The following CDYL variants were observed in gnomAD, a reference collection of about 807,000 sequenced individuals.
CDYL encodes the protein chromodomain Y-like protein.
CDYL carries 8 observed loss-of-function variants against 47.3 expected under a neutral mutation model. That is an observed-to-expected ratio of 0.17 (90% CI 0.10 to 0.31). The LOEUF is 0.31. CDYL is among the 10% of genes least tolerant of loss of function. CDYL has a pLI of 1.00. For synonymous variants in CDYL, 266 were observed against 265.0 expected, an observed-to-expected ratio of 1.00 and a Z score of -0.04; for missense variants, 471 against 701.4, an observed-to-expected ratio of 0.67 and a Z score of 3.71.
intron 1 of CDYL, among the ~76,000 whole-genome samples, chr6:4,879,100 A>G (rs1761693533): frequency 6.6e-6 from 1 of 152,152 alleles, no homozygotes; most frequent in African/African-American, 2.4e-5. Context: ...ATTGAGACTT[A>G]TTTTATGGCT....
At chr6:4,805,291 G>GA (rs1218825170) in intron 1 of CDYL, among the ~76,000 whole-genome samples, 2 of 151,658 alleles carry the variant, frequency 1.3e-5, no homozygotes, top group Non-Finnish European at 1.5e-5. Context: ...CCCATTGGGG[G>GA]AAAAAAAAGC....
At chr6:4,806,859 C>T (rs754234240) in intron 1 of CDYL, among the ~76,000 whole-genome samples, 10 of 152,182 alleles carry the variant, frequency 6.6e-5, no homozygotes, top group Non-Finnish European at 1.3e-4. Flanking sequence ...CCTTGGGCAG[C>T]CGTAATAAAA....
At chr6:4,749,434 A>G (rs1757953793) in intron 3 of CDYL, among the ~76,000 whole-genome samples, 1 of 151,638 alleles carries the variant, frequency 6.6e-6, no homozygotes, top group Admixed American at 6.6e-5. Flanking sequence ...GGATGAATGG[A>G]TATGAGATGG....
intron 2 of CDYL, among the ~76,000 whole-genome samples, chr6:4,926,702 G>A (rs1421276721): frequency 6.6e-6 from 1 of 152,184 alleles, no homozygotes; most frequent in Non-Finnish European, 1.5e-5. Context: ...ATTATTCTAT[G>A]TCTCTCTCAC....
chr6:4,934,423 C>T (rs552482517), intron 2 of CDYL, among the ~76,000 whole-genome samples: 3 of 152,096 alleles, frequency 2.0e-5, no homozygotes, highest in Non-Finnish European at 2.9e-5. Context: ...GGTTATTTGG[C>T]TCCTCTGAAA....
chr6:4,945,595 A>G (rs551228380), intron 5 of CDYL, among the ~76,000 whole-genome samples: 71 of 152,364 alleles, frequency 4.7e-4, no homozygotes, highest in African/African-American at 1.7e-3. Flanking sequence ...ATAGTTGATC[A>G]GGAGAGGAAC....
In CDYL at chr6:4,821,911, T is replaced by A. The variant is rs114908583; in HGVS notation, c.24+45104T>A. Among the ~76,000 whole-genome samples the A allele has an allele frequency of 1.8e-3, 276 of 152,288 alleles. 1 individual carries two copies. Among genetic ancestry groups the A allele is most frequent in the African/African-American group, 6.5e-3 (270 of 41,552 alleles). ...CCAAATTTTAGTTGTTCTTGGTGGT[T>A]GTTGCAATAACGTATGTACCAGCCA... On this transcript the variant is annotated intron_variant, in intron 1 of 6. Transcript: ENST00000397588.
In CDYL at chr6:4,942,869, A is replaced by T. The variant is rs1451181622; in HGVS notation, c.1122-677A>T. Among the ~76,000 whole-genome samples the T allele has an allele frequency of 2.0e-5, 3 of 152,146 alleles. No homozygotes were observed. In the East Asian group the frequency reaches 5.8e-4, roughly 29 times the overall value. ...ACCCTCCAGCCCTCAGTGGAGCAGG[A>T]TGTGGGTACAGGCCTGAGCCCTGTG... On this transcript the variant is annotated intron_variant, in intron 4 of 6. Transcript: ENST00000397588.
chr6:4,936,802 T>C (rs941139197), intron 3 of CDYL, among the ~76,000 whole-genome samples: 8 of 152,196 alleles, frequency 5.3e-5, no homozygotes, highest in African/African-American at 1.9e-4. Flanking sequence ...CCCAGTGATA[T>C]AATAAGCAAC....
intron 2 of CDYL, among the ~76,000 whole-genome samples, chr6:4,726,054 G>A (rs1218358013): frequency 6.6e-6 from 1 of 152,184 alleles, no homozygotes; most frequent in Non-Finnish European, 1.5e-5. Context: ...ACGAATGTCA[G>A]CTCCAAAATG....
At chr6:4,887,136 T>C (rs775824886) in intron 1 of CDYL, among the ~76,000 whole-genome samples, 2 of 152,234 alleles carry the variant, frequency 1.3e-5, no homozygotes, top group Non-Finnish European at 2.9e-5. Flanking sequence ...TGTGAGTTCT[T>C]CAACTTTTTC....
At chr6:4,764,090 A>G (rs1332946839) in intron 3 of CDYL, among the ~76,000 whole-genome samples, 1 of 152,226 alleles carries the variant, frequency 6.6e-6, no homozygotes. Context: ...AATTACACAT[A>G]CCAGTAATTA....
chr6:4,858,664 T>A (rs984036043), intron 1 of CDYL, among the ~76,000 whole-genome samples: 1 of 152,224 alleles, frequency 6.6e-6, no homozygotes, highest in Admixed American at 6.5e-5. Flanking sequence ...ATGCTGCAAA[T>A]CTTGCAGTAT....
intron 1 of CDYL, among the ~76,000 whole-genome samples, chr6:4,805,411 G>A (rs947294784): frequency 3.9e-5 from 6 of 152,176 alleles, no homozygotes; most frequent in Non-Finnish European, 7.4e-5. Context: ...TTCGAATGGC[G>A]GAAATTTCAT....
intron 1 of CDYL, among the ~76,000 whole-genome samples, chr6:4,888,007 T>A (rs1761944582): frequency 2.0e-5 from 3 of 152,148 alleles, no homozygotes; most frequent in African/African-American, 4.8e-5. Flanking sequence ...GTTAATTGAC[T>A]TTCACATATT....
intron 2 of CDYL, among the ~76,000 whole-genome samples, chr6:4,905,641 C>A (rs561325706): frequency 6.6e-6 from 1 of 152,282 alleles, no homozygotes; most frequent in East Asian, 1.9e-4. Flanking sequence ...GGGTCAGAGC[C>A]GAAGGGCCAT....
intron 1 of CDYL, among the ~76,000 whole-genome samples, chr6:4,874,758 T>C (rs887479548): frequency 1.3e-5 from 2 of 152,238 alleles, no homozygotes; most frequent in African/African-American, 4.8e-5. Context: ...TGTTCTCATG[T>C]CCCTTTCCAC....
chr6:4,724,685 A>C (rs529984446), intron 2 of CDYL: 3 of 151,764 alleles, frequency 2.0e-5, no homozygotes, highest in African/African-American at 7.3e-5. Context: ...ACAGCTCTTA[A>C]TGCAGCGCGT....
chr6:4,872,946 G>A (rs1381803858), intron 1 of CDYL, among the ~76,000 whole-genome samples: 1 of 152,198 alleles, frequency 6.6e-6, no homozygotes, highest in African/African-American at 2.4e-5. Context: ...TTTTTGGTTT[G>A]TGTTGTCAAT....
Sources: gnomAD v4.1 joint callset for allele counts (sites outside exome capture counted in the v4.1 genomes callset) on GRCh38, gnomAD v4.1.1 for gene constraint, MANE v1.5 for transcripts, NCBI Gene and HGNC (gene_info 2026-07-23, HGNC 2026-07-21) for gene names.